AGK: variants seen among roughly 807,000 people sequenced by gnomAD.
AGK encodes the protein acylglycerol kinase, also known as acylglycerol kinase, mitochondrial.
AGK carries 52 observed loss-of-function variants against 66.4 expected under a neutral mutation model. The observed-to-expected ratio is 0.78, with a 90% CI of 0.63 to 0.99. The LOEUF (loss-of-function observed/expected upper bound fraction) is 0.99. Among genes scored for constraint, AGK ranks in the 50% least tolerant of loss-of-function variants. AGK has a pLI of 0.00. For missense variants in AGK, 451 were observed against 506.6 expected (o/e 0.89, Z 1.05); for synonymous variants, 182 against 181.1 (o/e 1.00, Z -0.04).
intron 9 of AGK, among the ~76,000 whole-genome samples, chr7:141,629,469 G>A (rs1797009018): frequency 6.6e-6 from 1 of 152,050 alleles, no homozygotes; most frequent in South Asian, 2.1e-4. Context: ...AGATACAGTG[G>A]GACTTTGTCT....
rs781710690 is a variant in AGK at position 141,641,887 on chromosome 7, G to A, written c.954G>A (p.Arg318=). The A allele has an allele frequency of 9.4e-5, 149 of 1,580,336 alleles. No individual in the cohort carries two copies. Among genetic ancestry groups the A allele is most frequent in the Non-Finnish European group, 1.2e-4 (139 of 1,162,488 alleles). ...CCATTGAACTGTCCATCACAACACG[G>A]AATAATCAGCTTGACCCGACAGTAA... ...LSTIELSITT[R]NNQLDPTSKE... Residue 318 remains arginine (R), a synonymous_variant, in exon 13 of 16, where the codon CGG becomes CGA. Coordinates refer to ENST00000649286, the MANE Select transcript of AGK (RefSeq NM_018238.4).
At chr7:141,630,811 G>C (rs181650140) in intron 9 of AGK, among the ~76,000 whole-genome samples, 38 of 152,298 alleles carry the variant, frequency 2.5e-4, no homozygotes, top group African/African-American at 4.3e-4. Flanking sequence ...AGCAACAGAG[G>C]GGGTTGGGTA....
chr7:141,565,593 A>T (rs538966432), intron 2 of AGK, among the ~76,000 whole-genome samples: 1 of 152,054 alleles, frequency 6.6e-6, no homozygotes, highest in Admixed American at 6.5e-5. Flanking sequence ...GTGAGCTGAG[A>T]TCGTACCACT....
chr7:141,641,528 C>A, intron 12 of AGK, 130 bp downstream of exon 12: 1 of 1,089,500 alleles, frequency 9.2e-7, no homozygotes, highest in Non-Finnish European at 1.3e-6. Context: ...CTGAATTCAT[C>A]CTTCTGTGTG....
intron 5 of AGK, among the ~76,000 whole-genome samples, chr7:141,608,809 T>C (rs953834238): frequency 6.6e-6 from 1 of 152,190 alleles, no homozygotes; most frequent in Non-Finnish European, 1.5e-5. Context: ...CCAGGCATCT[T>C]GCTAAAGACC....
chr7:141,635,738 T>C (rs1797155927), intron 10 of AGK, among the ~76,000 whole-genome samples: 2 of 152,208 alleles, frequency 1.3e-5, no homozygotes, highest in Non-Finnish European at 2.9e-5. Context: ...ATTCATTTTA[T>C]AGGCATGGCT....
At chr7:141,603,732 G>A (rs955147405) in intron 5 of AGK, among the ~76,000 whole-genome samples, 8 of 152,102 alleles carry the variant, frequency 5.3e-5, no homozygotes, top group African/African-American at 1.9e-4. Flanking sequence ...AGGAAGGGTG[G>A]TCTTCGATGG....
At chr7:141,568,709 C>CT (rs1464597992) in intron 2 of AGK, among the ~76,000 whole-genome samples, 1 of 151,990 alleles carries the variant, frequency 6.6e-6, no homozygotes, top group African/African-American at 2.4e-5. Flanking sequence ...GTAGCTGGGA[C>CT]TACATGTGTG....
intron 9 of AGK, among the ~76,000 whole-genome samples, chr7:141,632,093 T>G (rs1797069392): frequency 6.6e-6 from 1 of 152,000 alleles, no homozygotes; most frequent in Non-Finnish European, 1.5e-5. Flanking sequence ...TAGCTGGGCG[T>G]GGTGGCGTGC....
chr7:141,647,655 T>A (rs1196338008), intron 13 of AGK, among the ~76,000 whole-genome samples: 1 of 151,804 alleles, frequency 6.6e-6, no homozygotes, highest in African/African-American at 2.4e-5. Context: ...GAGTCTGAGT[T>A]AAAAAAAAAT....
intron 6 of AGK, 64 bp from the exon 7 acceptor site, chr7:141,614,082 C>T: frequency 8.2e-7 from 1 of 1,221,460 alleles, no homozygotes; most frequent in South Asian, 1.3e-5. Context: ...AAATTGAATC[C>T]AATTCTTTTA....
At chr7:141,629,533 G>A (rs1304106532) in intron 9 of AGK, among the ~76,000 whole-genome samples, 1 of 152,096 alleles carries the variant, frequency 6.6e-6, no homozygotes, top group Non-Finnish European at 1.5e-5. Flanking sequence ...CTGTGTTCAT[G>A]TGTACCCCAA....
chr7:141,596,069 C>T (rs898550613), intron 3 of AGK, among the ~76,000 whole-genome samples: 1 of 152,152 alleles, frequency 6.6e-6, no homozygotes, highest in African/African-American at 2.4e-5. Flanking sequence ...ATTTAGTTAT[C>T]ATACAGGGTT....
At chr7:141,625,673 G>A (rs1355590439) in intron 9 of AGK, among the ~76,000 whole-genome samples, 3 of 152,046 alleles carry the variant, frequency 2.0e-5, no homozygotes, top group Non-Finnish European at 4.4e-5. Context: ...AAATACTTAG[G>A]ACAATGATTT....
intron 9 of AGK, 108 bp from the exon 10 acceptor site, chr7:141,633,789 TAGAA>T: frequency 2.3e-6 from 2 of 883,428 alleles, no homozygotes; most frequent in Admixed American, 2.0e-5. Context: ...GCAGACTTTT[TAGAA>T]TTTTGGTTTG....
chr7:141,557,876 A>G lies in AGK; in HGVS notation c.101+2309A>G, dbSNP rs998588944. 8.5e-5 allele frequency among the ~76,000 whole-genome samples: 13 copies of G among 152,310 alleles called. No homozygotes were observed. The South Asian group carries it at 1.0e-3, about 12-fold the overall frequency. ...AAAAACACAGGACATAAACATTTTC[A>G]CCTTAACCATTTGTAAATCTGCAGT... On this transcript the variant is annotated intron_variant, in intron 2 of 15. Transcript: ENST00000649286.
chr7:141,630,810 G>A (rs906800122), intron 9 of AGK, among the ~76,000 whole-genome samples: 4 of 152,200 alleles, frequency 2.6e-5, no homozygotes, highest in African/African-American at 4.8e-5. Context: ...AAGCAACAGA[G>A]GGGGTTGGGT....
chr7:141,585,664 G>A (rs1005096644), intron 2 of AGK, among the ~76,000 whole-genome samples: 4 of 152,098 alleles, frequency 2.6e-5, no homozygotes, highest in South Asian at 2.1e-4. Flanking sequence ...GTTGCTATTG[G>A]AATAACAACT....
intron 10 of AGK, 50 bp from the exon 11 acceptor site, chr7:141,636,910 G>A: frequency 1.4e-6 from 2 of 1,453,954 alleles, no homozygotes; most frequent in Middle Eastern, 1.8e-4. Context: ...TCTATCACAT[G>A]ATAGTTCTTT....
Sources: allele counts gnomAD v4.1 joint callset (sites outside exome capture counted in the v4.1 genomes callset), GRCh38; gene constraint gnomAD v4.1.1; transcripts MANE v1.5; gene names NCBI Gene and HGNC (gene_info 2026-07-23, HGNC 2026-07-21).